Variants in MCCC2 observed in about 807,000 individuals in gnomAD.
MCCC2 encodes the protein methylcrotonoyl-CoA carboxylase beta chain, mitochondrial.
In MCCC2, 52 loss-of-function variants were observed where a neutral mutation model predicts 77.2. That is an observed-to-expected ratio of 0.67 (90% CI 0.54 to 0.85). MCCC2 has a LOEUF of 0.85. Ranked by LOEUF, MCCC2 falls within the 40% of genes least tolerant of loss-of-function variation. The pLI, the probability that MCCC2 is intolerant of heterozygous loss-of-function variation, is 0.00. For missense variants in MCCC2, 682 were observed against 703.2 expected, an observed-to-expected ratio of 0.97 and a Z score of 0.34; for synonymous variants, 253 against 248.4, an observed-to-expected ratio of 1.02 and a Z score of -0.18.
intron 6 of MCCC2, among the ~76,000 whole-genome samples, chr5:71,620,954 T>A (rs1184967202): frequency 6.6e-6 from 1 of 152,152 alleles, no homozygotes; most frequent in Non-Finnish European, 1.5e-5. Context: ...TCTTTGGAGT[T>A]CACCTCTGTC....
chr5:71,626,810 C>A, intron 7 of MCCC2, 57 bp downstream of exon 7: 1 of 1,400,316 alleles, frequency 7.1e-7, no homozygotes, highest in Non-Finnish European at 1.0e-6. Flanking sequence ...ATAAAATACA[C>A]CATTTAAACT....
At position 71,634,988 on chromosome 5, in the gene MCCC2, C is replaced by T. The variant is rs1746867203; in HGVS notation, c.849C>T (p.Ala283=). 1 of 1,614,004 alleles carries T rather than the reference C, an allele frequency of 6.2e-7. No homozygotes were observed. The part of the protein sequence containing the change: ...SDHWALDDHH[A]LHLTRKVVRN... Reference sequence around the variant, plus strand: ...ACTGGGCTTTGGATGATCATCATGCCCTTCACTTAACTAGGAAGGTTGTGA... The same window carrying T: ...ACTGGGCTTTGGATGATCATCATGCTCTTCACTTAACTAGGAAGGTTGTGA... Residue 283 remains alanine (A), a synonymous_variant, in exon 9 of 17, where the codon GCC becomes GCT. Coordinates refer to ENST00000340941, the MANE Select transcript of MCCC2 (RefSeq NM_022132.5).
chr5:71,649,486 C>T (rs975983530), intron 14 of MCCC2, among the ~76,000 whole-genome samples: 15 of 152,132 alleles, frequency 9.9e-5, no homozygotes, highest in Admixed American at 6.5e-5. Context: ...AATGAAAATG[C>T]CACACATTAA....
chr5:71,631,614 C>T (rs1222934862), intron 7 of MCCC2, among the ~76,000 whole-genome samples: 1 of 150,364 alleles, frequency 6.7e-6, no homozygotes, highest in African/African-American at 2.4e-5. Context: ...AATCTCGGCT[C>T]ACTGCAAGCT....
chr5:71,652,607 A>G, intron 15 of MCCC2, 62 bp from the exon 16 acceptor site: 1 of 1,240,756 alleles, frequency 8.1e-7, no homozygotes, highest in Non-Finnish European at 1.2e-6. Context: ...TTGAATTGAG[A>G]TGATCTAAAC....
rs554502924 is a variant in MCCC2 at position 71,626,769 on chromosome 5, C to A, written c.738+16C>A. The A allele has an allele frequency of 1.9e-6, 3 of 1,605,612 alleles. No individual in the cohort carries two copies. In the Admixed American group the frequency reaches 5.0e-5, roughly 27 times the overall value. Reference sequence around the variant, plus strand: ...ACCCCCCTTGGTAAGAACATAAGAACGTTGGTCGATGGAAATTAAGTATGC... The same window carrying A: ...ACCCCCCTTGGTAAGAACATAAGAAAGTTGGTCGATGGAAATTAAGTATGC... On this transcript the variant is annotated intron_variant, in intron 7 of 16. Transcript: ENST00000340941.
chr5:71,636,715 T>G (rs1270363442), intron 10 of MCCC2: 1 of 151,378 alleles, frequency 6.6e-6, no homozygotes, highest in African/African-American at 2.4e-5. Flanking sequence ...AATAAATAAA[T>G]AAATAAAGAT....
At chr5:71,600,133 C>G (rs1274800163) in intron 4 of MCCC2, among the ~76,000 whole-genome samples, 1 of 152,008 alleles carries the variant, frequency 6.6e-6, no homozygotes, top group Non-Finnish European at 1.5e-5. Flanking sequence ...CCACTGCACT[C>G]CATCCTGGTG....
chr5:71,608,435 C>A (rs1304243501), intron 6 of MCCC2, among the ~76,000 whole-genome samples: 1 of 137,588 alleles, frequency 7.3e-6, no homozygotes, highest in African/African-American at 2.8e-5. Flanking sequence ...CTTGGTAGAT[C>A]TTCCTCCATC....
At chr5:71,633,088 G>GTT (rs1279827858) in intron 8 of MCCC2, among the ~76,000 whole-genome samples, 38 of 72,526 alleles carry the variant, frequency 5.2e-4, no homozygotes, top group African/African-American at 2.2e-3. Flanking sequence ...TTTTTTTTCA[G>GTT]TTTTATATAT....
intron 9 of MCCC2, 21 bp downstream of exon 9, chr5:71,635,063 T>C (rs749156301): frequency 4.3e-6 from 7 of 1,613,278 alleles, no homozygotes; most frequent in South Asian, 2.2e-5. Flanking sequence ...TATGTTCTTA[T>C]ATCTTTTATT....
intron 7 of MCCC2, among the ~76,000 whole-genome samples, chr5:71,630,935 C>T (rs1380783204): frequency 6.6e-6 from 1 of 151,938 alleles, no homozygotes; most frequent in Non-Finnish European, 1.5e-5. Context: ...ATAAATAATT[C>T]CTAAGGGGTT....
In MCCC2 at chr5:71,602,650, G is replaced by A. The variant is rs1308650945; in HGVS notation, c.511+17G>A. On this transcript the variant is annotated intron_variant, in intron 5 of 16. Coordinates refer to ENST00000340941, the MANE Select transcript of MCCC2 (RefSeq NM_022132.5). ...TCTACTTAGGCAAGTCACCAGAGTGGTAAAATAAACTATTATTAGCTGGTA... is the reference window on the plus strand; with the variant it reads ...TCTACTTAGGCAAGTCACCAGAGTGATAAAATAAACTATTATTAGCTGGTA... The A allele has an allele frequency of 6.2e-7, 1 of 1,614,152 alleles. No homozygotes were observed. Among genetic ancestry groups the A allele is most frequent in the East Asian group, 2.2e-5 (1 of 44,882 alleles).
In MCCC2 at chr5:71,646,168, G is replaced by A. The variant is rs183911820; in HGVS notation, c.1150-43G>A. The A allele has an allele frequency of 9.1e-5, 139 of 1,526,130 alleles. No individual in the cohort carries two copies. In the African/African-American group the frequency reaches 1.4e-3, roughly 16 times the overall value. The allele number at this position is 1,526,130 out of a possible 1,614,324, so 94.5% of individuals were successfully genotyped here. ...TTGTAGAATGCATGATGATAATAGA[G>A]TTAATTCCCTTTTAAAAAGATTTTT... On this transcript the variant is annotated intron_variant, in intron 12 of 16. Transcript: ENST00000340941.
chr5:71,617,431 A>G (rs1746198547), intron 6 of MCCC2, among the ~76,000 whole-genome samples: 1 of 152,196 alleles, frequency 6.6e-6, no homozygotes, highest in Non-Finnish European at 1.5e-5. Context: ...TCTGTTAGCT[A>G]CTTGAGAATA....
At chr5:71,633,133 T>TATATATATATATATA (rs1561841506) in intron 8 of MCCC2, among the ~76,000 whole-genome samples, 9 of 113,008 alleles carry the variant, frequency 8.0e-5, no homozygotes, top group African/African-American at 3.0e-4. Context: ...ATATATATAT[T>TATATATATATATATA]TTTATTTTTT....
chr5:71,632,680 C>T (rs1245198864), intron 8 of MCCC2, among the ~76,000 whole-genome samples: 1 of 151,938 alleles, frequency 6.6e-6, no homozygotes, highest in African/African-American at 2.4e-5. Context: ...AAAAATGCCC[C>T]GATCTGTGGC....
At chr5:71,639,829 C>T (rs558370432) in intron 10 of MCCC2, among the ~76,000 whole-genome samples, 6 of 152,028 alleles carry the variant, frequency 3.9e-5, no homozygotes, top group Non-Finnish European at 7.4e-5. Flanking sequence ...GTTACATTCC[C>T]ATTGTATTAT....
chr5:71,619,906 G>T (rs1014617409), intron 6 of MCCC2, among the ~76,000 whole-genome samples: 2 of 151,826 alleles, frequency 1.3e-5, no homozygotes, highest in East Asian at 1.9e-4. Flanking sequence ...CAGTAGAATC[G>T]CTTGGACCCG....
Sources: allele counts gnomAD v4.1 joint callset (sites outside exome capture counted in the v4.1 genomes callset), GRCh38; gene constraint gnomAD v4.1.1; transcripts MANE v1.5; gene names NCBI Gene and HGNC (gene_info 2026-07-23, HGNC 2026-07-21).